Variants in FRMD1 observed in about 807,000 individuals in gnomAD.
FRMD1 encodes FERM domain containing 1.
Under a neutral mutation model 54.9 loss-of-function variants are expected in FRMD1, and 51 were observed. The ratio of observed to expected loss-of-function variants is 0.93; its 90% CI spans 0.74 to 1.17. The LOEUF is 1.17. FRMD1 is among the 50% of genes most tolerant of loss of function. The pLI, the probability that FRMD1 is intolerant of heterozygous loss-of-function variation, is 0.00. For missense variants in FRMD1, 729 were observed against 743.0 expected (o/e 0.98, Z 0.22); for synonymous variants, 324 against 306.4 (o/e 1.06, Z -0.60).
Position 168,059,202 on chromosome 6 carries a change from C to T in FRMD1, c.1343-14G>A. The T allele has an allele frequency of 1.3e-6, 2 of 1,572,722 alleles. No homozygotes were observed. The highest frequency in any genetic ancestry group is 1.9e-4 in the Middle Eastern group (1 of 5,350). On this transcript the variant is annotated splice_polypyrimidine_tract_variant and intron_variant, in intron 9 of 10. Transcript: ENST00000283309. This position sits in a 1 kb window ranked among gnomAD's most constrained non-coding sequence, Gnocchi z 4.4. ...CCTGACGAGTGGCTGTGGGAGGAGGCAGCCGTGAGCACAGGTGTCTGGGTT... is the reference window on the plus strand; with the variant it reads ...CCTGACGAGTGGCTGTGGGAGGAGGTAGCCGTGAGCACAGGTGTCTGGGTT...
chr6:168,072,442 G>A (rs1055869322), intron 2 of FRMD1, among the ~76,000 whole-genome samples: 4 of 152,210 alleles, frequency 2.6e-5, no homozygotes, highest in Admixed American at 6.5e-5. Context: ...ACAGCGACCC[G>A]CCCTGTGCAG....
chr6:168,092,380 CG>C (rs1298388167), intron 1 of FRMD1, among the ~76,000 whole-genome samples: 9 of 152,196 alleles, frequency 5.9e-5, no homozygotes, highest in Non-Finnish European at 1.3e-4. Context: ...GAAATTCTCA[CG>C]CGAGGGGGAT....
intron 4 of FRMD1, 108 bp from the exon 5 acceptor site, chr6:168,065,165 C>T: frequency 1.4e-6 from 2 of 1,449,240 alleles, no homozygotes; most frequent in Middle Eastern, 2.4e-4. Flanking sequence ...TGTCCTGAGC[C>T]CCTGGTACCT....
chr6:168,075,872 C>A, intron 1 of FRMD1: 1 of 1,247,514 alleles, frequency 8.0e-7, no homozygotes, highest in South Asian at 1.3e-5. Flanking sequence ...TTTCCGGTGC[C>A]CGGTGTCCAC....
At chr6:168,075,697 T>G in intron 1 of FRMD1, 1 of 1,462,314 alleles carries the variant, frequency 6.8e-7, no homozygotes, top group Admixed American at 2.0e-5. Context: ...ACGGCACAAA[T>G]GAATGCTTGG....
At chr6:168,073,633 C>T (rs1800418361) in intron 2 of FRMD1, among the ~76,000 whole-genome samples, 1 of 152,100 alleles carries the variant, frequency 6.6e-6, no homozygotes, top group African/African-American at 2.4e-5. Flanking sequence ...GCCACCCGCG[C>T]TGAGGGAAAG....
chr6:168,090,115 C>G (rs549478650), intron 1 of FRMD1, among the ~76,000 whole-genome samples: 4 of 152,252 alleles, frequency 2.6e-5, no homozygotes, highest in African/African-American at 7.2e-5. Context: ...CATCTGACCC[C>G]GTTCCCACCT....
rs550788679 is a variant in FRMD1, at chr6:168,087,855, C to A, written c.-11-8831G>T. On this transcript the variant is annotated intron_variant, in intron 1 of 12. Transcript: ENST00000644440. Reference sequence around the variant, plus strand: ...CTCACCACCCGTCTGGGCACGGAGACCCCCGGACCCTCACACTTCCACCCC... The same window carrying A: ...CTCACCACCCGTCTGGGCACGGAGAACCCCGGACCCTCACACTTCCACCCC... Among the ~76,000 whole-genome samples the A allele has an allele frequency of 6.0e-3, 908 of 152,326 alleles. 6 individuals carry two copies. The highest frequency in any genetic ancestry group is 0.021 in the African/African-American group (853 of 41,558).
chr6:168,084,941 C>T (rs554083138), upstream of FRMD1, among the ~76,000 whole-genome samples: 114 of 152,148 alleles, frequency 7.5e-4, no homozygotes, highest in Middle Eastern at 3.4e-3. Context: ...GCTGCAGCAG[C>T]GGAGTGGGCT....
chr6:168,090,105 C>T (rs1443502275), intron 1 of FRMD1, among the ~76,000 whole-genome samples: 2 of 152,118 alleles, frequency 1.3e-5, no homozygotes, highest in South Asian at 2.1e-4. Context: ...ACCCAGCCTC[C>T]ATCTGACCCC....
intron 4 of FRMD1, chr6:168,065,518 A>G: frequency 1.0e-6 from 1 of 988,656 alleles, no homozygotes; most frequent in Non-Finnish European, 1.2e-6. Flanking sequence ...GGCCAGGTGG[A>G]GGCTCGCCCA....
chr6:168,057,739 G>A, intron 10 of FRMD1: 1 of 215,526 alleles, frequency 4.6e-6, no homozygotes, highest in Non-Finnish European at 9.3e-6. Context: ...TGGGTTCAGA[G>A]GTGACTGTCC....
intron 10 of FRMD1, 27 bp from the exon 11 acceptor site, chr6:168,057,366 C>A: frequency 6.2e-7 from 1 of 1,600,588 alleles, no homozygotes; most frequent in Admixed American, 1.7e-5. Context: ...TGGGATGAGG[C>A]CTGCTGCCCC....
Position 168,061,982 on chromosome 6 carries a change from C to G in FRMD1, c.871-1G>C. On this transcript the variant is annotated splice_acceptor_variant, in intron 7 of 10. Coordinates refer to ENST00000283309, the MANE Select transcript of FRMD1 (RefSeq NM_024919.6). LOFTEE classifies it high-confidence loss of function. ...CCAGCTGGATCTCCAGCTTCTTTCC[C>G]TGAGCAAACAGGAGAGAAGTTGCCA... is the stretch of plus-strand genomic sequence containing the variant. The G allele has an allele frequency of 6.3e-7, 1 of 1,591,570 alleles. No individual in the cohort carries two copies. The highest frequency in any genetic ancestry group is 8.6e-7 in the Non-Finnish European group (1 of 1,169,396).
intron 1 of FRMD1, among the ~76,000 whole-genome samples, chr6:168,088,957 C>G (rs1380564228): frequency 1.3e-5 from 2 of 152,264 alleles, no homozygotes; most frequent in African/African-American, 4.8e-5. Flanking sequence ...ACACTGATCA[C>G]ACGTGCCCTG....
chr6:168,066,386 T>C (rs1800026326), intron 4 of FRMD1: 1 of 457,682 alleles, frequency 2.2e-6, no homozygotes, highest in Admixed American at 5.8e-5. Flanking sequence ...TAATCCCAGC[T>C]ACTCTGGAGA....
rs765979323 is a variant in FRMD1, at chr6:168,064,910, G to A, written c.609C>T (p.Ala203=). ...AGGAGTGTGGCTCGAAGTACCTCCCGGCATGGGCCGACTCCCGGTGCTCGC... is the reference window on the plus strand; with the variant it reads ...AGGAGTGTGGCTCGAAGTACCTCCCAGCATGGGCCGACTCCCGGTGCTCGC... ...DLGEHRESAH[A]GRYFEPHSYF... The change falls in exon 5 of 11, where the codon GCC becomes GCT. Residue 203 remains alanine, a synonymous_variant. Transcript: ENST00000283309. 1.1e-5 allele frequency: 18 copies of A among 1,597,156 alleles called. No homozygotes were observed. Among genetic ancestry groups the A allele is most frequent in the African/African-American group, 5.4e-5 (4 of 74,598 alleles).
rs1443762760 is a variant in FRMD1 at position 168,056,215 on chromosome 6, G to A, written c.*882C>T. The stretch of plus-strand genomic sequence containing the variant: ...GGCCTTCCAGAGCCCACAGAACCGA[G>A]GTCGCACTACCCGTGGAGCCCACCG... On this transcript the variant is annotated 3_prime_UTR_variant, in exon 11 of 11. Transcript: ENST00000283309. 6.6e-6 allele frequency: 1 copy of A among 152,424 alleles called. No homozygotes were observed. Among genetic ancestry groups the A allele is most frequent in the Non-Finnish European group, 1.5e-5 (1 of 68,194 alleles). The allele number at this position is 152,424 out of a possible 1,614,324, so 9.4% of individuals were successfully genotyped here.
At position 168,057,481 on chromosome 6, in the gene FRMD1, C is replaced by T; in HGVS notation, c.1408-142G>A. On this transcript the variant is annotated intron_variant, in intron 10 of 10. Coordinates refer to ENST00000283309, the MANE Select transcript of FRMD1 (RefSeq NM_024919.6). ...GCCGCAGTGCATGGCCGGCCTGCCC[C>T]TGGACGGGTCCCCCAGCACACACCT... 4 of 1,256,828 alleles carry T rather than the reference C, an allele frequency of 3.2e-6. No homozygotes were observed. The Admixed American group carries it at 9.4e-5, about 30-fold the overall frequency. 77.9% of individuals were successfully genotyped at this position (1,256,828 alleles called of 1,614,324 possible).
Sources: allele counts gnomAD v4.1 joint callset (sites outside exome capture counted in the v4.1 genomes callset), GRCh38; gene constraint gnomAD v4.1.1; non-coding constraint Gnocchi (gnomAD v3.1); transcripts MANE v1.5; gene names NCBI Gene and HGNC (gene_info 2026-07-23, HGNC 2026-07-21).